Variants in ZNF75D observed in about 807,000 individuals in gnomAD.
ZNF75D encodes zinc finger protein 75D, also known as zinc finger protein 75.
Under a neutral mutation model 33.3 loss-of-function variants are expected in ZNF75D, and 33 were observed. The observed-to-expected ratio is 0.99, with a 90% confidence interval of 0.75 to 1.32. The LOEUF is 1.32. Ranked by LOEUF, ZNF75D falls within the 40% of genes most tolerant of loss-of-function variation. ZNF75D has a pLI of 0.00. For missense variants in ZNF75D, 338 were observed against 367.5 expected (o/e 0.92, Z 0.66); for synonymous variants, 113 against 130.6 (o/e 0.87, Z 0.92).
chrX:135,281,158 C>G, downstream of ZNF75D, among the ~76,000 whole-genome samples: 1 of 110,566 alleles, frequency 9.0e-6, no homozygotes, highest in Non-Finnish European at 1.9e-5. Context: ...TTCACATAGT[C>G]CCATATTTCT....
chrX:135,315,518 A>T (rs1556431077), intron 1 of ZNF75D, among the ~76,000 whole-genome samples: 1 of 112,287 alleles, frequency 8.9e-6, no homozygotes, highest in African/African-American at 3.2e-5. Context: ...TGACCTGTCT[A>T]ACGCTGAGAG....
At chrX:135,303,948 C>T (rs187117553) in intron 1 of ZNF75D, among the ~76,000 whole-genome samples, 3 of 112,645 alleles carry the variant, frequency 2.7e-5, no homozygotes, top group Admixed American at 1.9e-4. Flanking sequence ...TTAAACAGAA[C>T]AAACAGGAGG....
Position 135,293,952 on chromosome X carries a change from C to T in ZNF75D, c.189G>A (p.Pro63=), listed in dbSNP as rs185096756. 2.1e-4 allele frequency: 252 copies of T among 1,209,857 alleles called. 1 individual carries two copies. In the East Asian group the frequency reaches 5.7e-3, roughly 28 times the overall value. ...WSFRYHEATG[P]LETISQLQKL... Reference sequence around the variant, plus strand: ...TCTGAAGTTGGCTGATAGTCTCAAGCGGTCCGGTTGCTTCATGATAACGGA... The same window carrying T: ...TCTGAAGTTGGCTGATAGTCTCAAGTGGTCCGGTTGCTTCATGATAACGGA... Residue 63 remains proline (P), a synonymous_variant, in exon 3 of 7, where the codon CCG becomes CCA. Transcript: ENST00000370766.
chrX:135,324,297 A>G (rs1308535949), intron 1 of ZNF75D, among the ~76,000 whole-genome samples: 1 of 112,153 alleles, frequency 8.9e-6, no homozygotes. Flanking sequence ...TTGGATACAC[A>G]TTTACCTTAT....
At chrX:135,293,618 A>C in intron 3 of ZNF75D, 112 bp downstream of exon 3, 2 of 743,660 alleles carry the variant, frequency 2.7e-6, no homozygotes, top group Middle Eastern at 3.2e-4. Flanking sequence ...AGCTGTCCTA[A>C]AGGAGCAACA....
downstream of ZNF75D, among the ~76,000 whole-genome samples, chrX:135,285,345 G>A (rs782154700): frequency 6.9e-4 from 77 of 111,892 alleles, no homozygotes; most frequent in African/African-American, 2.5e-3. Flanking sequence ...TGTTACTCAT[G>A]AGCAGTATAG....
chrX:135,292,490 T>A lies in ZNF75D; in HGVS notation c.412-17A>T. Reference sequence around the variant, plus strand: ...GGCTGTGACCTAGAAATAATCCCCATCCTCATTAGCACAGAACTTACTTTT... The same window carrying A: ...GGCTGTGACCTAGAAATAATCCCCAACCTCATTAGCACAGAACTTACTTTT... On this transcript the variant is annotated splice_polypyrimidine_tract_variant and intron_variant, in intron 3 of 6. Coordinates refer to ENST00000370766, the MANE Select transcript of ZNF75D (RefSeq NM_007131.5). The A allele has an allele frequency of 1.7e-6, 2 of 1,204,691 alleles. No homozygotes were observed. The highest frequency in any genetic ancestry group is 1.1e-6 in the Non-Finnish European group (1 of 891,128).
chrX:135,335,839 C>T (rs1356484377), intron 1 of ZNF75D, among the ~76,000 whole-genome samples: 1 of 111,987 alleles, frequency 8.9e-6, no homozygotes, highest in Non-Finnish European at 1.9e-5. Flanking sequence ...ACTTTGAAAT[C>T]TCACACCTGG....
At chrX:135,313,509 A>T (rs1556429774) in intron 1 of ZNF75D, among the ~76,000 whole-genome samples, 2 of 110,397 alleles carry the variant, frequency 1.8e-5, no homozygotes. Context: ...TTTTAGGATA[A>T]TTTTTTCTAT....
intron 1 of ZNF75D, among the ~76,000 whole-genome samples, chrX:135,273,991 C>T (rs1486995185): frequency 9.0e-6 from 1 of 111,457 alleles, no homozygotes; most frequent in Non-Finnish European, 1.9e-5. Flanking sequence ...AATCAAACTG[C>T]CATGGAAACT....
intron 1 of ZNF75D, among the ~76,000 whole-genome samples, chrX:135,338,092 A>G (rs1160569772): frequency 9.0e-6 from 1 of 111,333 alleles, no homozygotes; most frequent in Non-Finnish European, 1.9e-5. Context: ...GGGATCAGAG[A>G]CACAATGAGC....
At chrX:135,252,249 T>C (rs1556413673) in intron 2 of ZNF75D, among the ~76,000 whole-genome samples, 1 of 104,004 alleles carries the variant, frequency 9.6e-6, no homozygotes, top group Non-Finnish European at 2.0e-5. Flanking sequence ...TACAGAGCAG[T>C]GGGTAAAAGC....
At chrX:135,302,177 C>T (rs1299206534) in intron 1 of ZNF75D, among the ~76,000 whole-genome samples, 2 of 112,347 alleles carry the variant, frequency 1.8e-5, no homozygotes, top group Non-Finnish European at 3.8e-5. Flanking sequence ...ATGTTACATG[C>T]ATCTCATGTT....
At chrX:135,256,693 C>T (rs1026584035) in intron 1 of ZNF75D, among the ~76,000 whole-genome samples, 5 of 111,513 alleles carry the variant, frequency 4.5e-5, no homozygotes, top group African/African-American at 1.6e-4. Flanking sequence ...ATCCCTCCTC[C>T]AACCCCTGGT....
intron 1 of ZNF75D, among the ~76,000 whole-genome samples, chrX:135,269,904 A>C (rs781951498): frequency 1.4e-4 from 16 of 111,976 alleles, no homozygotes; most frequent in Admixed American, 1.0e-3. Context: ...ATGGATTACT[A>C]TTCAGTCATA....
intron 1 of ZNF75D, among the ~76,000 whole-genome samples, chrX:135,274,349 G>T (rs2083892423): frequency 8.9e-6 from 1 of 111,926 alleles, no homozygotes; most frequent in Non-Finnish European, 1.9e-5. Context: ...AGAATTGTCA[G>T]CATACATTTT....
intron 1 of ZNF75D, among the ~76,000 whole-genome samples, chrX:135,328,830 T>G (rs1201049374): frequency 8.9e-6 from 1 of 112,101 alleles, no homozygotes; most frequent in East Asian, 2.8e-4. Flanking sequence ...TGTGGGTTTT[T>G]GGTTTTGGAT....
At chrX:135,329,760 T>C (rs1255359662) in intron 1 of ZNF75D, among the ~76,000 whole-genome samples, 1 of 112,471 alleles carries the variant, frequency 8.9e-6, no homozygotes, top group Non-Finnish European at 1.9e-5. Context: ...TATGAAATAA[T>C]AGGAATAATA....
At chrX:135,273,632 C>A (rs1236355610) in intron 1 of ZNF75D, among the ~76,000 whole-genome samples, 2 of 111,033 alleles carry the variant, frequency 1.8e-5, no homozygotes, top group Non-Finnish European at 3.8e-5. Context: ...CCAGTGCCCA[C>A]CTAAGGTCAA....
Sources: gnomAD v4.1 joint callset for allele counts (sites outside exome capture counted in the v4.1 genomes callset) on GRCh38, gnomAD v4.1.1 for gene constraint, MANE v1.5 for transcripts, NCBI Gene and HGNC (gene_info 2026-07-23, HGNC 2026-07-21) for gene names.